The following RORA variants were observed in gnomAD, a reference collection of about 807,000 sequenced individuals.
The protein encoded by RORA is nuclear receptor ROR-alpha.
RORA carries 7 observed loss-of-function variants against 69.5 expected under a neutral mutation model. The observed-to-expected ratio is 0.10, with a 90% confidence interval of 0.06 to 0.19. RORA has a LOEUF of 0.19. Among genes scored for constraint, RORA ranks in the 10% least tolerant of loss-of-function variants. The pLI is 1.00. For missense variants in RORA, 457 were observed against 663.0 expected, an observed-to-expected ratio of 0.69 and a Z score of 3.41; for synonymous variants, 261 against 240.8, an observed-to-expected ratio of 1.08 and a Z score of -0.78.
chr15:60,592,670 C>G, intron 2 of RORA: 1 of 1,091,676 alleles, frequency 9.2e-7, no homozygotes, highest in Non-Finnish European at 1.1e-6. Flanking sequence ...CAGGCGCGCC[C>G]CAGCGCCGCG....
chr15:60,864,147 T>A (rs2073461295), intron 1 of RORA, among the ~76,000 whole-genome samples: 1 of 152,150 alleles, frequency 6.6e-6, no homozygotes, highest in South Asian at 2.1e-4. Flanking sequence ...GGCGGACAAC[T>A]GGGGTGGCAT....
chr15:60,611,640 G>C (rs1758099948), intron 2 of RORA, among the ~76,000 whole-genome samples: 1 of 135,638 alleles, frequency 7.4e-6, no homozygotes, highest in South Asian at 2.5e-4. Context: ...GCACCTAGTA[G>C]GTGCTCAATA....
chr15:61,004,391 TTC>T (rs936955334), intron 1 of RORA, among the ~76,000 whole-genome samples: 6 of 151,658 alleles, frequency 4.0e-5, no homozygotes, highest in Admixed American at 3.3e-4. Context: ...TTTTTTTTTT[TTC>T]ATCTAAAAAT....
chr15:60,716,465 C>T (rs1370328212), intron 1 of RORA, among the ~76,000 whole-genome samples: 1 of 152,166 alleles, frequency 6.6e-6, no homozygotes, highest in Non-Finnish European at 1.5e-5. Flanking sequence ...CACTTACAGG[C>T]CAGGTAATTC....
At chr15:60,804,973 C>T (rs184584099) in intron 1 of RORA, among the ~76,000 whole-genome samples, 3 of 152,338 alleles carry the variant, frequency 2.0e-5, no homozygotes, top group Non-Finnish European at 4.4e-5. Context: ...AACACAATTT[C>T]CTCATCGCCC....
intron 1 of RORA, among the ~76,000 whole-genome samples, chr15:61,034,447 C>A (rs1176222795): frequency 6.6e-6 from 1 of 152,122 alleles, no homozygotes; most frequent in Non-Finnish European, 1.5e-5. Context: ...CTGATCACTT[C>A]TGAACGACAA....
At chr15:60,819,344 G>A (rs1207113609) in intron 1 of RORA, among the ~76,000 whole-genome samples, 2 of 152,130 alleles carry the variant, frequency 1.3e-5, no homozygotes, top group East Asian at 1.9e-4. Flanking sequence ...ACACACATCC[G>A]CTATGGAATT....
intron 2 of RORA, among the ~76,000 whole-genome samples, chr15:60,565,730 T>C (rs2067695653): frequency 6.6e-6 from 1 of 152,226 alleles, no homozygotes; most frequent in African/African-American, 2.4e-5. Flanking sequence ...CAAACATATA[T>C]AGATACCACC....
chr15:60,858,692 T>TACAC (rs3053884), intron 1 of RORA, among the ~76,000 whole-genome samples: 13,186 of 142,776 alleles, frequency 0.092, 638 homozygotes, highest in Middle Eastern at 0.18. Context: ...AGAAAGAAAA[T>TACAC]ACACACACAC....
intron 1 of RORA, among the ~76,000 whole-genome samples, chr15:60,927,821 G>A (rs1172506355): frequency 6.6e-6 from 1 of 152,126 alleles, no homozygotes; most frequent in African/African-American, 2.4e-5. Flanking sequence ...CCTAATCCCT[G>A]CAGAATGCAA....
chr15:60,708,827 T>C (rs1054564617), intron 1 of RORA, among the ~76,000 whole-genome samples: 1 of 152,144 alleles, frequency 6.6e-6, no homozygotes, highest in Non-Finnish European at 1.5e-5. Flanking sequence ...AGGAAGTGAA[T>C]CAGATCTATT....
rs370685087 is a variant in RORA, at chr15:60,735,341, T to C, written c.167-56655A>G. 1.9e-4 allele frequency among the ~76,000 whole-genome samples: 29 copies of C among 152,310 alleles called. No homozygotes were observed. In the East Asian group the frequency reaches 2.9e-3, roughly 15 times the overall value. On this transcript the variant is annotated intron_variant, in intron 1 of 10. Coordinates refer to ENST00000335670, the MANE Select transcript of RORA (RefSeq NM_134261.3). Reference sequence around the variant, plus strand: ...TAAAAGGTTGTTTTTTTATATAATATTGCCAAACACTATTTCTGTAGCTCT... The same window carrying C: ...TAAAAGGTTGTTTTTTTATATAATACTGCCAAACACTATTTCTGTAGCTCT...
intron 1 of RORA, among the ~76,000 whole-genome samples, chr15:60,914,806 A>G (rs1466268631): frequency 6.6e-6 from 1 of 152,228 alleles, no homozygotes; most frequent in African/African-American, 2.4e-5. Context: ...AATCTCAGAC[A>G]TCGTAAAGTG....
chr15:61,033,115 C>T (rs928583458), intron 1 of RORA, among the ~76,000 whole-genome samples: 1 of 152,112 alleles, frequency 6.6e-6, no homozygotes, highest in African/African-American at 2.4e-5. Flanking sequence ...TATAAAAGTC[C>T]ACGCTCTCTT....
At chr15:61,121,922 C>T (rs1470523197) in intron 1 of RORA, among the ~76,000 whole-genome samples, 1 of 150,826 alleles carries the variant, frequency 6.6e-6, no homozygotes, top group Non-Finnish European at 1.5e-5. Flanking sequence ...AAAATTACTG[C>T]AGCATTAAAA....
At chr15:60,661,818 G>C (rs757530094) in intron 2 of RORA, among the ~76,000 whole-genome samples, 3 of 152,118 alleles carry the variant, frequency 2.0e-5, no homozygotes, top group Non-Finnish European at 4.4e-5. Flanking sequence ...AGAACTACCT[G>C]GTATCTCAAG....
At chr15:60,979,155 G>A (rs1041935236) in intron 1 of RORA, among the ~76,000 whole-genome samples, 11 of 151,278 alleles carry the variant, frequency 7.3e-5, no homozygotes, top group Non-Finnish European at 1.2e-4. Context: ...TAGTAGAGAC[G>A]GGGTTTCACC....
chr15:61,197,682 A>G (rs568093138), intron 1 of RORA, among the ~76,000 whole-genome samples: 1 of 152,318 alleles, frequency 6.6e-6, no homozygotes, highest in African/African-American at 2.4e-5. Flanking sequence ...TATCAATCCC[A>G]TGGGCCATGT....
At chr15:61,195,300 C>A (rs1451906546) in intron 1 of RORA, among the ~76,000 whole-genome samples, 1 of 151,974 alleles carries the variant, frequency 6.6e-6, no homozygotes, top group Non-Finnish European at 1.5e-5. Context: ...TTAAGGGTTG[C>A]AGTAACTCTC....
Sources: allele counts gnomAD v4.1 joint callset (sites outside exome capture counted in the v4.1 genomes callset), GRCh38; gene constraint gnomAD v4.1.1; transcripts MANE v1.5; gene names NCBI Gene and HGNC (gene_info 2026-07-23, HGNC 2026-07-21).